The following COL5A2 variants were observed in gnomAD, a reference collection of about 807,000 sequenced individuals.
COL5A2 encodes collagen type V alpha 2 chain.
A neutral mutation model predicts 208.2 loss-of-function variants in COL5A2; 23 were observed. The observed-to-expected ratio is 0.11, with a 90% CI of 0.08 to 0.16. The LOEUF (loss-of-function observed/expected upper bound fraction) is 0.16, where lower values mean the gene tolerates loss of function less well. Among genes scored for constraint, COL5A2 ranks in the 10% least tolerant of loss-of-function variants. COL5A2 has a pLI of 1.00. For missense variants in COL5A2, 1,590 were observed against 1,956.4 expected (o/e 0.81, Z 3.53); for synonymous variants, 625 against 628.5 (o/e 0.99, Z 0.08).
chr2:189,365,271 C>T, the COL5A2 span, among the ~76,000 whole-genome samples: 1 of 152,214 alleles, frequency 6.6e-6, no homozygotes, highest in African/African-American at 2.4e-5. Flanking sequence ...TAGTTATTCG[C>T]AGTTGCTTTC....
the COL5A2 span, among the ~76,000 whole-genome samples, chr2:189,304,298 C>A: frequency 6.6e-6 from 1 of 152,108 alleles, no homozygotes; most frequent in Non-Finnish European, 1.5e-5. Context: ...TACCTTGTCA[C>A]TTTAGCTAAG....
chr2:189,123,396 A>G (rs1436985675), intron 1 of COL5A2, among the ~76,000 whole-genome samples: 1 of 152,194 alleles, frequency 6.6e-6, no homozygotes, highest in Non-Finnish European at 1.5e-5. Flanking sequence ...TCAGAATGTG[A>G]CATTATTTGT....
In COL5A2 at chr2:189,062,878, G is replaced by C. The variant is rs770204693; in HGVS notation, c.1964C>G (p.Pro655Arg). 1 of 1,613,896 alleles carries C rather than the reference G, an allele frequency of 6.2e-7. No individual in the cohort carries two copies. Among genetic ancestry groups the C allele is most frequent in the Admixed American group, 1.7e-5 (1 of 59,978 alleles). The change falls in exon 29 of 54, where the codon CCT (proline) becomes CGT (arginine). Residue 655 changes from proline (P) to arginine (R), a missense_variant. Coordinates refer to ENST00000374866, the MANE Select transcript of COL5A2 (RefSeq NM_000393.5). Reference protein sequence around the residue: ...GKDGEVGPSGPVGPPGLAGER... With the variant: ...GKDGEVGPSGRVGPPGLAGER... ...AAAATCACATACCGGCGGGCCCACA[G>C]GACCAGAAGGACCAACTTCACCATC...
chr2:189,108,970 T>G (rs1332467229), intron 2 of COL5A2, among the ~76,000 whole-genome samples: 1 of 2,244 alleles, frequency 4.5e-4, no homozygotes, highest in Non-Finnish European at 6.3e-3. Flanking sequence ...CTTTATTAAG[T>G]TTTTTTTTTT....
At chr2:189,414,042 T>TCCCC in the COL5A2 span, among the ~76,000 whole-genome samples, 1 of 152,054 alleles carries the variant, frequency 6.6e-6, no homozygotes, top group Non-Finnish European at 1.5e-5. Context: ...TCCGGCCACC[T>TCCCC]CCACCACCCA....
chr2:189,336,287 G>A, the COL5A2 span, among the ~76,000 whole-genome samples: 40 of 152,182 alleles, frequency 2.6e-4, no homozygotes, highest in African/African-American at 9.7e-4. Flanking sequence ...ATACATTGCT[G>A]TTGAGATTGT....
chr2:189,413,147 G>A, the COL5A2 span, among the ~76,000 whole-genome samples: 1 of 152,170 alleles, frequency 6.6e-6, no homozygotes, highest in Non-Finnish European at 1.5e-5. Flanking sequence ...GATAGGTCGG[G>A]TCAATTTATG....
chr2:189,374,877 T>G, the COL5A2 span, among the ~76,000 whole-genome samples: 567 of 152,280 alleles, frequency 3.7e-3, 5 homozygotes, highest in African/African-American at 0.013. Flanking sequence ...TAAAAATACT[T>G]TCTAAACAAA....
chr2:189,180,401 T>G (rs1440357483), upstream of COL5A2, among the ~76,000 whole-genome samples: 3 of 152,160 alleles, frequency 2.0e-5, no homozygotes, highest in Admixed American at 6.5e-5. Flanking sequence ...TTTCTCCACA[T>G]CTCTTGTTAA....
intron 51 of COL5A2, among the ~76,000 whole-genome samples, chr2:189,038,775 C>T (rs1299235635): frequency 2.0e-5 from 3 of 152,174 alleles, no homozygotes; most frequent in Non-Finnish European, 2.9e-5. Flanking sequence ...CTGCAAGCTC[C>T]GGCTCCTGGG....
At chr2:189,284,711 A>C in the COL5A2 span, among the ~76,000 whole-genome samples, 1 of 152,208 alleles carries the variant, frequency 6.6e-6, no homozygotes, top group Non-Finnish European at 1.5e-5. Flanking sequence ...GTTGCTTAAC[A>C]ACAAGGATAT....
intron 1 of COL5A2, among the ~76,000 whole-genome samples, chr2:189,152,449 G>A (rs1222155088): frequency 6.6e-6 from 1 of 152,190 alleles, no homozygotes; most frequent in African/African-American, 2.4e-5. Flanking sequence ...TACACACAAT[G>A]TATGTGAAAG....
At chr2:189,327,212 G>A in the COL5A2 span, among the ~76,000 whole-genome samples, 3 of 152,026 alleles carry the variant, frequency 2.0e-5, no homozygotes, top group Non-Finnish European at 2.9e-5. Flanking sequence ...GACTACAGGA[G>A]GTTTAAATGA....
chr2:189,344,950 T>A, the COL5A2 span, among the ~76,000 whole-genome samples: 1 of 152,088 alleles, frequency 6.6e-6, no homozygotes, highest in Non-Finnish European at 1.5e-5. Flanking sequence ...ACACCAGAGG[T>A]TCAGACTAGG....
chr2:189,118,376 T>C (rs1687437489), intron 1 of COL5A2, among the ~76,000 whole-genome samples: 2 of 152,098 alleles, frequency 1.3e-5, no homozygotes, highest in African/African-American at 4.8e-5. Flanking sequence ...AATTTAACTC[T>C]GTATTTTATT....
At chr2:189,070,670 TG>T (rs1290938211) in intron 18 of COL5A2, among the ~76,000 whole-genome samples, 2 of 152,204 alleles carry the variant, frequency 1.3e-5, no homozygotes, top group Admixed American at 1.3e-4. Flanking sequence ...AACCTCTTTC[TG>T]CTAATTCATA....
the COL5A2 span, among the ~76,000 whole-genome samples, chr2:189,425,073 T>G: frequency 6.6e-6 from 1 of 152,162 alleles, no homozygotes; most frequent in Non-Finnish European, 1.5e-5. Context: ...ATAAATTGTA[T>G]TGGGAAAAAT....
At chr2:189,133,401 G>C (rs1399717635) in intron 1 of COL5A2, among the ~76,000 whole-genome samples, 10 of 151,958 alleles carry the variant, frequency 6.6e-5, no homozygotes, top group African/African-American at 2.4e-4. Flanking sequence ...GATTACAAGC[G>C]TGAGCCACCA....
chr2:189,342,640 AACAC>A, the COL5A2 span, among the ~76,000 whole-genome samples: 8,852 of 143,578 alleles, frequency 0.062, 424 homozygotes, highest in African/African-American at 0.13. Context: ...AGAGAGCTAA[AACAC>A]ACACACACAC....
Sources: gnomAD v4.1 joint callset for allele counts (sites outside exome capture counted in the v4.1 genomes callset) on GRCh38, gnomAD v4.1.1 for gene constraint, MANE v1.5 for transcripts, NCBI Gene and HGNC (gene_info 2026-07-23, HGNC 2026-07-21) for gene names.